Variants in IQGAP3 observed in about 807,000 individuals in gnomAD.
IQGAP3 encodes IQ motif containing GTPase activating protein 3, also known as ras GTPase-activating-like protein IQGAP3.
Under a neutral mutation model 208.2 loss-of-function variants are expected in IQGAP3, and 165 were observed. That is an observed-to-expected ratio of 0.79 (90% CI 0.70 to 0.90). The LOEUF is 0.90. Ranked by LOEUF, IQGAP3 falls within the 40% of genes least tolerant of loss-of-function variation. IQGAP3 has a pLI of 0.00. For synonymous variants in IQGAP3, 703 were observed against 803.6 expected (o/e 0.87, Z 2.12); for missense variants, 1,811 against 2,043.1 (o/e 0.89, Z 2.19).
chr1:156,547,993 A>G, intron 19 of IQGAP3, 80 bp downstream of exon 19: 1 of 1,277,230 alleles, frequency 7.8e-7, no homozygotes, highest in Non-Finnish European at 1.1e-6. Flanking sequence ...TTCCCATGTC[A>G]GTAAAAAGGA....
Position 156,563,228 on chromosome 1 carries a change from G to A in IQGAP3, c.704C>T (p.Ala235Val). The change falls in exon 8 of 38, where the codon GCT becomes GTT. Residue 235 changes from alanine (A) to valine (V), a missense_variant. By Grantham distance (64) the Ala-to-Val change is moderately conservative. Coordinates refer to ENST00000361170, the MANE Select transcript of IQGAP3 (RefSeq NM_178229.5). Reference protein sequence around the residue: ...DTLAALQNPSALLENLREPLA... With the variant: ...DTLAALQNPSVLLENLREPLA... ...AGGCTCTCGGAGATTCTCCAGAAGA[G>A]CACTGGGATTCTGCAAGGCAGCCAG... 1 of 1,613,272 alleles carries A rather than the reference G, an allele frequency of 6.2e-7. No homozygotes were observed. Among genetic ancestry groups the A allele is most frequent in the South Asian group, 1.1e-5 (1 of 91,026 alleles).
At chr1:156,564,802 C>G in intron 4 of IQGAP3, 111 bp from the exon 5 acceptor site, 2 of 760,442 alleles carry the variant, frequency 2.6e-6, no homozygotes, top group Non-Finnish European at 4.7e-6. Context: ...GTGTGTGTTC[C>G]CTTGTTACCT....
At chr1:156,532,487 A>G (rs1297157892) in intron 32 of IQGAP3, among the ~76,000 whole-genome samples, 2 of 152,078 alleles carry the variant, frequency 1.3e-5, no homozygotes, top group Admixed American at 1.3e-4. Context: ...TCTTTCCTCA[A>G]CTATGAAGAG....
intron 24 of IQGAP3, 140 bp downstream of exon 24, chr1:156,539,698 G>A: frequency 8.4e-7 from 1 of 1,192,288 alleles, no homozygotes; most frequent in Non-Finnish European, 1.2e-6. Context: ...GGAAGAGGTA[G>A]TCTCCTTTCC....
intron 1 of IQGAP3, 150 bp downstream of exon 1, chr1:156,572,343 G>C: frequency 2.4e-6 from 2 of 838,738 alleles, no homozygotes; most frequent in South Asian, 2.8e-5. Flanking sequence ...CACGGCGCCC[G>C]GGCTGAGGAT....
chr1:156,560,071 C>A (rs1302438209), intron 11 of IQGAP3, among the ~76,000 whole-genome samples: 2 of 152,198 alleles, frequency 1.3e-5, no homozygotes, highest in African/African-American at 4.8e-5. Flanking sequence ...AACCTGACAG[C>A]AAGTCCAGAC....
chr1:156,547,928 G>T, intron 19 of IQGAP3, 145 bp downstream of exon 19: 1 of 729,038 alleles, frequency 1.4e-6, no homozygotes, highest in Non-Finnish European at 2.2e-6. Flanking sequence ...AACATACATG[G>T]TCTGGCTCCA....
chr1:156,562,564 C>A, intron 9 of IQGAP3, 23 bp downstream of exon 9: 1 of 1,606,436 alleles, frequency 6.2e-7, no homozygotes, highest in Non-Finnish European at 8.5e-7. Context: ...ACCCCCAAAC[C>A]ACTCCTGCTC....
intron 26 of IQGAP3, 115 bp downstream of exon 26, chr1:156,538,694 G>T: frequency 1.3e-6 from 1 of 778,116 alleles, no homozygotes; most frequent in Non-Finnish European, 2.2e-6. Context: ...AGATCAGCAT[G>T]CCCATTTATA....
At chr1:156,572,427 G>C (rs963583323) in intron 1 of IQGAP3, 66 bp downstream of exon 1, 3 of 1,532,784 alleles carry the variant, frequency 2.0e-6, no homozygotes, top group East Asian at 2.2e-5. Context: ...AATCTCTCCC[G>C]GGACAGCCAA....
At chr1:156,541,856 GC>G (rs1161227128) in intron 22 of IQGAP3, among the ~76,000 whole-genome samples, 1 of 152,180 alleles carries the variant, frequency 6.6e-6, no homozygotes, top group Non-Finnish European at 1.5e-5. Flanking sequence ...AAAGTGGGTT[GC>G]CCAACCCCAC....
chr1:156,543,213 A>G (rs1675070089), intron 22 of IQGAP3, among the ~76,000 whole-genome samples: 1 of 152,108 alleles, frequency 6.6e-6, no homozygotes, highest in Admixed American at 6.6e-5. Flanking sequence ...GAGAGAAAGA[A>G]GCTTGTTGAC....
At chr1:156,560,074 GTC>G (rs1676075698) in intron 11 of IQGAP3, among the ~76,000 whole-genome samples, 1 of 152,220 alleles carries the variant, frequency 6.6e-6, no homozygotes, top group Non-Finnish European at 1.5e-5. Context: ...CTGACAGCAA[GTC>G]CAGACTAAGG....
chr1:156,563,893 T>C, intron 5 of IQGAP3, 69 bp from the exon 6 acceptor site: 1 of 1,312,238 alleles, frequency 7.6e-7, no homozygotes, highest in Admixed American at 1.9e-5. Context: ...CCACGATGGG[T>C]TTGAAGGGGA....
chr1:156,527,344 GGC>G (rs1674137974), intron 37 of IQGAP3, among the ~76,000 whole-genome samples: 3 of 151,782 alleles, frequency 2.0e-5, no homozygotes, highest in African/African-American at 4.8e-5. Flanking sequence ...CCGGTGTGGT[GGC>G]GCACGCCTGT....
In IQGAP3 at chr1:156,548,347, C is replaced by T; in HGVS notation, c.2133+1G>A. The T allele has an allele frequency of 6.2e-7, 1 of 1,613,184 alleles. No individual in the cohort carries two copies. The highest frequency in any genetic ancestry group is 2.2e-5 in the East Asian group (1 of 44,834). On this transcript the variant is annotated splice_donor_variant, in intron 18 of 37. Transcript: ENST00000361170. LOFTEE classifies it high-confidence loss of function. Reference sequence around the variant, plus strand: ...CCTACCCTTGCAGGGGCTCTGCCAACCTGGATCTCCTCCCGGGTCAGGTGA... The same window carrying T: ...CCTACCCTTGCAGGGGCTCTGCCAATCTGGATCTCCTCCCGGGTCAGGTGA...
At chr1:156,555,960 G>A (rs1006099507) in intron 12 of IQGAP3, among the ~76,000 whole-genome samples, 2 of 152,192 alleles carry the variant, frequency 1.3e-5, no homozygotes, top group Non-Finnish European at 2.9e-5. Flanking sequence ...CCTGCTGTGG[G>A]TGTAGTTCTC....
In IQGAP3 at chr1:156,539,435, T is replaced by C; in HGVS notation, c.2995A>G (p.Ser999Gly). ...VIFSLYNYAS[S>G]RREAYLLLQL... ...AGCAGGAGATAGGCCTCTCGGCGGC[T>C]GGAGGCATAGTTGTACAGGCTGAAA... Residue 999 changes from serine (S) to glycine (G), a missense_variant, in exon 25 of 38, where the codon AGC becomes GGC. Physicochemically the swap from Ser to Gly is moderately conservative, Grantham distance 56 (BLOSUM62 0). Coordinates refer to ENST00000361170, the MANE Select transcript of IQGAP3 (RefSeq NM_178229.5). 6.2e-7 allele frequency: 1 copy of C among 1,614,138 alleles called. No individual in the cohort carries two copies. Among genetic ancestry groups the C allele is most frequent in the Non-Finnish European group, 8.5e-7 (1 of 1,179,982 alleles).
chr1:156,571,272 A>T (rs953418385), intron 1 of IQGAP3, among the ~76,000 whole-genome samples: 1 of 152,228 alleles, frequency 6.6e-6, no homozygotes. Flanking sequence ...AGTAAGAGAA[A>T]GCTACACACA....
Sources: gnomAD v4.1 joint callset for allele counts (sites outside exome capture counted in the v4.1 genomes callset) on GRCh38, gnomAD v4.1.1 for gene constraint, MANE v1.5 for transcripts, NCBI Gene and HGNC (gene_info 2026-07-23, HGNC 2026-07-21) for gene names.